The following THSD4 variants were observed in gnomAD, a reference collection of about 807,000 sequenced individuals.
The protein encoded by THSD4 is thrombospondin type-1 domain-containing protein 4.
In THSD4, 69 loss-of-function variants were observed where a neutral mutation model predicts 119.0. The observed-to-expected ratio is 0.58, with a 90% CI of 0.48 to 0.71. The LOEUF (loss-of-function observed/expected upper bound fraction) is 0.71. Among genes scored for constraint, THSD4 ranks in the 30% least tolerant of loss-of-function variants. The pLI is 0.00. For synonymous variants in THSD4, 524 were observed against 540.4 expected, an observed-to-expected ratio of 0.97 and a Z score of 0.42; for missense variants, 1,393 against 1,391.1, an observed-to-expected ratio of 1.00 and a Z score of -0.02.
At chr15:71,336,280 G>A (rs1309923527) in intron 6 of THSD4, among the ~76,000 whole-genome samples, 1 of 152,170 alleles carries the variant, frequency 6.6e-6, no homozygotes, top group Non-Finnish European at 1.5e-5. Context: ...GAAGGAAGTG[G>A]TAGATAACAA....
chr15:71,642,449 G>A (rs997303527), intron 7 of THSD4, among the ~76,000 whole-genome samples: 3 of 151,838 alleles, frequency 2.0e-5, no homozygotes, highest in East Asian at 1.9e-4. Context: ...CCCATTACTG[G>A]GTATATACCC....
At chr15:71,212,279 C>A (rs928785906) in intron 3 of THSD4, among the ~76,000 whole-genome samples, 1 of 152,080 alleles carries the variant, frequency 6.6e-6, no homozygotes, top group Non-Finnish European at 1.5e-5. Context: ...ACCATGGGGA[C>A]TCAGATGGAA....
intron 7 of THSD4, among the ~76,000 whole-genome samples, chr15:71,560,906 C>A (rs1053034847): frequency 5.9e-5 from 9 of 151,554 alleles, no homozygotes; most frequent in African/African-American, 2.2e-4. Context: ...CAGGCCTGAG[C>A]TTGACTCTCT....
At chr15:71,497,478 A>G (rs2048038681) in intron 7 of THSD4, among the ~76,000 whole-genome samples, 1 of 151,924 alleles carries the variant, frequency 6.6e-6, no homozygotes, top group Non-Finnish European at 1.5e-5. Context: ...GCACTACAGC[A>G]TACCAGCCTG....
chr15:71,721,904 G>C (rs968250455), intron 8 of THSD4, among the ~76,000 whole-genome samples: 3 of 150,952 alleles, frequency 2.0e-5, no homozygotes, highest in African/African-American at 7.3e-5. Context: ...TTGAGCCCAG[G>C]AGTTCGAGGT....
At chr15:71,157,904 A>AATAC (rs201502696) in intron 3 of THSD4, among the ~76,000 whole-genome samples, 2,136 of 152,146 alleles carry the variant, frequency 0.014, 31 homozygotes, top group Middle Eastern at 0.048. Context: ...AGTTGGGCTG[A>AATAC]ATACATACCT....
At chr15:71,583,016 T>G (rs2049589687) in intron 7 of THSD4, among the ~76,000 whole-genome samples, 1 of 152,186 alleles carries the variant, frequency 6.6e-6, no homozygotes, top group South Asian at 2.1e-4. Context: ...TAATCCTTCT[T>G]TAAAGGTTTG....
intron 7 of THSD4, among the ~76,000 whole-genome samples, chr15:71,629,937 C>T (rs1426479501): frequency 6.6e-6 from 1 of 152,206 alleles, no homozygotes; most frequent in African/African-American, 2.4e-5. Context: ...TTTGTACCCG[C>T]AAGCCACGTG....
chr15:71,229,364 G>T lies in THSD4; in HGVS notation c.465-13285G>T, dbSNP rs112580180. On this transcript the variant is annotated intron_variant, in intron 4 of 17. Coordinates refer to ENST00000261862, the MANE Select transcript of THSD4 (RefSeq NM_024817.3). ...CAGTTGTCCCTTGGTGTGCAGTGGG[G>T]ATTGATATTGATTCCAGGACTCCCC... 1.9e-3 allele frequency among the ~76,000 whole-genome samples: 287 copies of T among 152,278 alleles called. 2 individuals carry two copies. Among genetic ancestry groups the T allele is most frequent in the African/African-American group, 6.6e-3 (273 of 41,556 alleles).
chr15:71,552,384 C>T (rs1188986770), intron 7 of THSD4, among the ~76,000 whole-genome samples: 1 of 152,242 alleles, frequency 6.6e-6, no homozygotes, highest in Non-Finnish European at 1.5e-5. Flanking sequence ...GCTTTGTAAG[C>T]AGTGACACCC....
intron 7 of THSD4, among the ~76,000 whole-genome samples, chr15:71,512,364 T>C (rs1182956065): frequency 6.6e-6 from 1 of 152,224 alleles, no homozygotes; most frequent in East Asian, 1.9e-4. Context: ...GATTTATGCA[T>C]TGCTGCATTG....
intron 7 of THSD4, among the ~76,000 whole-genome samples, chr15:71,554,527 T>C (rs1303339726): frequency 6.6e-6 from 1 of 152,178 alleles, no homozygotes; most frequent in African/African-American, 2.4e-5. Context: ...TAGCTAGGAC[T>C]ACAGGCATGC....
In THSD4 at chr15:71,765,148, C is replaced by G; in HGVS notation, c.2718C>G (p.Ser906=). The change falls in exon 16 of 18, where the codon TCC becomes TCG. Residue 906 remains serine (S), a synonymous_variant. Coordinates refer to ENST00000261862, the MANE Select transcript of THSD4 (RefSeq NM_024817.3). ...SFLEKPPSQQ[S]CHLKPCGAKW... ...TGGAGAAACCCCCCAGCCAGCAATC[C>G]TGCCACCTCAAGCCTTGCGGAGCCA... The G allele has an allele frequency of 6.2e-7, 1 of 1,614,236 alleles. No homozygotes were observed. Among genetic ancestry groups the G allele is most frequent in the Admixed American group, 1.7e-5 (1 of 60,030 alleles).
chr15:71,659,569 C>T (rs746420354), intron 7 of THSD4, among the ~76,000 whole-genome samples: 11 of 152,050 alleles, frequency 7.2e-5, no homozygotes, highest in Non-Finnish European at 1.6e-4. Flanking sequence ...TGTGCCCTCG[C>T]ACCTGGTTAA....
chr15:71,630,614 C>T (rs1462121937), intron 7 of THSD4, among the ~76,000 whole-genome samples: 2 of 152,134 alleles, frequency 1.3e-5, no homozygotes, highest in South Asian at 2.1e-4. Flanking sequence ...TATGGCACAG[C>T]GACCTTCACT....
At chr15:71,470,161 T>A (rs1025706737) in intron 7 of THSD4, among the ~76,000 whole-genome samples, 1 of 152,222 alleles carries the variant, frequency 6.6e-6, no homozygotes, top group Non-Finnish European at 1.5e-5. Flanking sequence ...TTTGTTTTTT[T>A]AAATCTTTTC....
chr15:71,229,038 A>G (rs2044040271), intron 4 of THSD4, among the ~76,000 whole-genome samples: 1 of 152,242 alleles, frequency 6.6e-6, no homozygotes, highest in African/African-American at 2.4e-5. Context: ...CACTTCAAAT[A>G]GTCTATCCCT....
At chr15:71,360,615 G>A (rs577999244) in intron 6 of THSD4, among the ~76,000 whole-genome samples, 20 of 152,184 alleles carry the variant, frequency 1.3e-4, no homozygotes, top group South Asian at 8.3e-4. Flanking sequence ...CTCTCTCCCC[G>A]GCATCCAATC....
chr15:71,446,185 A>G (rs1206930245), intron 7 of THSD4, among the ~76,000 whole-genome samples: 1 of 152,114 alleles, frequency 6.6e-6, no homozygotes, highest in African/African-American at 2.4e-5. Flanking sequence ...CAAGGAAACT[A>G]CCTCCTTAGT....
Sources: allele counts gnomAD v4.1 joint callset (sites outside exome capture counted in the v4.1 genomes callset), GRCh38; gene constraint gnomAD v4.1.1; transcripts MANE v1.5; gene names NCBI Gene and HGNC (gene_info 2026-07-23, HGNC 2026-07-21).